Variants in CCDC13 observed in about 807,000 individuals in gnomAD.
CCDC13 encodes the protein coiled-coil domain containing 13.
In CCDC13, 70 loss-of-function variants were observed where a neutral mutation model predicts 87.3. The ratio of observed to expected loss-of-function variants is 0.80; its 90% CI spans 0.66 to 0.98. The LOEUF (loss-of-function observed/expected upper bound fraction) is 0.98, where lower values mean the gene tolerates loss of function less well. Ranked by LOEUF, CCDC13 falls within the 50% of genes least tolerant of loss-of-function variation. CCDC13 has a pLI of 0.00. For missense variants in CCDC13, 842 were observed against 892.0 expected (o/e 0.94, Z 0.71); for synonymous variants, 317 against 360.3 (o/e 0.88, Z 1.36).
Position 42,708,916 on chromosome 3 carries a change from C to T in CCDC13, c.*64G>A, listed in dbSNP as rs1559633331. The T allele has an allele frequency of 4.6e-6, 7 of 1,511,754 alleles. No homozygotes were observed. In the East Asian group the frequency reaches 1.7e-4, roughly 36 times the overall value. The allele number at this position is 1,511,754 out of a possible 1,614,324, so 93.6% of individuals were successfully genotyped here. ...TCCCGGAGCAGATGGAGTCCTCAGA[C>T]AGAGTCTTATCCTCTCAAGACCTGA... On this transcript the variant is annotated 3_prime_UTR_variant, in exon 16 of 16. Coordinates refer to ENST00000310232, the MANE Select transcript of CCDC13 (RefSeq NM_144719.4).
intron 9 of CCDC13, among the ~76,000 whole-genome samples, chr3:42,738,809 G>A (rs1277103007): frequency 6.6e-6 from 1 of 152,140 alleles, no homozygotes; most frequent in Non-Finnish European, 1.5e-5. Flanking sequence ...GAGATTTTGG[G>A]CTGAGATGAT....
rs115345150 is a variant in CCDC13 at position 42,755,647 on chromosome 3, T to C, written c.370+1419A>G. Among the ~76,000 whole-genome samples, 1,163 of 152,314 alleles carry C rather than the reference T, an allele frequency of 7.6e-3. 15 individuals carry two copies. The highest frequency in any genetic ancestry group is 0.026 in the African/African-American group (1,066 of 41,554). On this transcript the variant is annotated intron_variant, in intron 3 of 15. Transcript: ENST00000310232. ...AAAAACATAAATGGGCTTGTCAGAT[T>C]TTCTCTCCAAAACGTGAGAATGAAA...
At chr3:42,735,944 T>A in intron 9 of CCDC13, 31 bp from the exon 10 acceptor site, 1 of 1,595,272 alleles carries the variant, frequency 6.3e-7, no homozygotes, top group Middle Eastern at 1.8e-4. Context: ...GCAGGTGGAG[T>A]CAGTCATGGC....
chr3:42,739,500 T>C, intron 9 of CCDC13, 134 bp downstream of exon 9: 3 of 984,550 alleles, frequency 3.0e-6, no homozygotes, highest in Non-Finnish European at 4.4e-6. Flanking sequence ...CTGGGGGCCA[T>C]CTGGAGGCAA....
At chr3:42,763,331 C>T (rs1451768375) in intron 1 of CCDC13, among the ~76,000 whole-genome samples, 1 of 152,124 alleles carries the variant, frequency 6.6e-6, no homozygotes, top group Non-Finnish European at 1.5e-5. Context: ...AAGAAGGCAG[C>T]TTTAGGCTAC....
chr3:42,769,757 G>T (rs1700016978), intron 1 of CCDC13, among the ~76,000 whole-genome samples: 1 of 152,260 alleles, frequency 6.6e-6, no homozygotes, highest in Non-Finnish European at 1.5e-5. Context: ...GCGCTTGCCG[G>T]CCAGTGAGGG....
At chr3:42,762,460 G>A (rs1286282268) in intron 1 of CCDC13, among the ~76,000 whole-genome samples, 5 of 152,156 alleles carry the variant, frequency 3.3e-5, no homozygotes, top group African/African-American at 1.2e-4. Context: ...TCATTGCCAG[G>A]TGCAGGGTAG....
At chr3:42,771,993 C>T (rs781037285) in intron 1 of CCDC13, among the ~76,000 whole-genome samples, 6 of 151,784 alleles carry the variant, frequency 4.0e-5, no homozygotes, top group African/African-American at 9.7e-5. Flanking sequence ...AAGGCTAAGC[C>T]GGGCGTGGTG....
Position 42,721,251 on chromosome 3 carries a change from CT to C in CCDC13, c.1719-7936del, listed in dbSNP as rs376981091. Among the ~76,000 whole-genome samples, 941 of 152,280 alleles carry C rather than the reference CT, an allele frequency of 6.2e-3. 9 individuals are homozygous for C. The highest frequency in any genetic ancestry group is 0.02 in the African/African-American group (831 of 41,568). ...GGATTTAATAGTGGCTGTCCTAAGA[CT>C]TTTTATCATCTACAATTGTTGTCCT... On this transcript the variant is annotated intron_variant, in intron 13 of 15. Coordinates refer to ENST00000310232, the MANE Select transcript of CCDC13 (RefSeq NM_144719.4).
In CCDC13 at chr3:42,759,509, C is replaced by T. The variant is rs951984115; in HGVS notation, c.-6-1158G>A. 4.6e-5 allele frequency among the ~76,000 whole-genome samples: 7 copies of T among 152,148 alleles called. 1 individual carries two copies. Among genetic ancestry groups the T allele is most frequent in the Admixed American group, 4.6e-4 (7 of 15,280 alleles). ...TCTGCTTTTGTTCACTACAGTTTTG[C>T]CTTTTCTGGAATTTCATATAACTAG... is the stretch of plus-strand genomic sequence containing the variant. On this transcript the variant is annotated intron_variant, in intron 1 of 15. Coordinates refer to ENST00000310232, the MANE Select transcript of CCDC13 (RefSeq NM_144719.4).
intron 5 of CCDC13, among the ~76,000 whole-genome samples, chr3:42,751,652 G>A (rs1049475452): frequency 2.0e-5 from 3 of 152,248 alleles, no homozygotes; most frequent in Admixed American, 6.5e-5. Context: ...TAGTGTTCCA[G>A]GGTTCTCAGG....
intron 9 of CCDC13, among the ~76,000 whole-genome samples, chr3:42,738,866 T>C (rs531738591): frequency 5.3e-5 from 8 of 152,322 alleles, no homozygotes; most frequent in African/African-American, 1.9e-4. Context: ...CAGGAACAAT[T>C]TGACTTCCTC....
At chr3:42,720,795 C>T (rs1035390226) in intron 13 of CCDC13, among the ~76,000 whole-genome samples, 17 of 152,098 alleles carry the variant, frequency 1.1e-4, no homozygotes, top group Admixed American at 1.0e-3. Context: ...TCAGCTTTTC[C>T]GTCAATTAAA....
intron 13 of CCDC13, among the ~76,000 whole-genome samples, chr3:42,713,532 T>G (rs1437498608): frequency 6.6e-6 from 1 of 152,218 alleles, no homozygotes; most frequent in Non-Finnish European, 1.5e-5. Context: ...CCCAGCCCCA[T>G]CATTCCCAAT....
At chr3:42,756,727 C>A (rs749930947) in intron 3 of CCDC13, among the ~76,000 whole-genome samples, 1 of 152,086 alleles carries the variant, frequency 6.6e-6, no homozygotes, top group African/African-American at 2.4e-5. Context: ...AGAAATGGAT[C>A]CTGCCAGCCC....
At chr3:42,759,936 C>T (rs770741243) in intron 1 of CCDC13, among the ~76,000 whole-genome samples, 6 of 152,234 alleles carry the variant, frequency 3.9e-5, no homozygotes, top group South Asian at 2.1e-4. Context: ...GTCCCAGTTG[C>T]GCCATCCTCG....
chr3:42,746,120 T>C (rs1214749482), intron 6 of CCDC13, 93 bp from the exon 7 acceptor site: 2 of 932,066 alleles, frequency 2.1e-6, no homozygotes, highest in Non-Finnish European at 3.5e-6. Flanking sequence ...TCAGAAGCAG[T>C]CTTCACCTAC....
At chr3:42,748,383 T>C (rs1222400126) in intron 5 of CCDC13, among the ~76,000 whole-genome samples, 1 of 152,238 alleles carries the variant, frequency 6.6e-6, no homozygotes, top group African/African-American at 2.4e-5. Flanking sequence ...CTGGGCATTG[T>C]GGCCACAGGA....
intron 12 of CCDC13, chr3:42,732,482 C>T (rs930905191): frequency 2.4e-5 from 5 of 208,348 alleles, no homozygotes; most frequent in Non-Finnish European, 3.9e-5. Context: ...CATTTACACC[C>T]TCTGGCTTGA....
Sources: gnomAD v4.1 joint callset for allele counts (sites outside exome capture counted in the v4.1 genomes callset) on GRCh38, gnomAD v4.1.1 for gene constraint, MANE v1.5 for transcripts, NCBI Gene and HGNC (gene_info 2026-07-23, HGNC 2026-07-21) for gene names.